The following KCND2 variants were observed in gnomAD, a reference collection of about 807,000 sequenced individuals.
KCND2 encodes A-type voltage-gated potassium channel KCND2.
KCND2 carries 16 observed loss-of-function variants against 54.4 expected under a neutral mutation model. That is an observed-to-expected ratio of 0.29 (90% confidence interval 0.20 to 0.45). KCND2 has a LOEUF of 0.45. Ranked by LOEUF, KCND2 falls within the 20% of genes least tolerant of loss-of-function variation. The pLI is 1.00. For synonymous variants in KCND2, 317 were observed against 310.7 expected (o/e 1.02, Z -0.21); for missense variants, 486 against 824.2 (o/e 0.59, Z 5.02).
chr7:120,523,834 CAT>C (rs1264832015), intron 1 of KCND2, among the ~76,000 whole-genome samples: 1 of 149,016 alleles, frequency 6.7e-6, no homozygotes, highest in Non-Finnish European at 1.5e-5. Flanking sequence ...TATTCAGCAA[CAT>C]ATATATGGAG....
chr7:120,723,443 C>G lies in KCND2; in HGVS notation c.1116-9460C>G, dbSNP rs117609420. Among the ~76,000 whole-genome samples, 7 of 152,280 alleles carry G rather than the reference C, an allele frequency of 4.6e-5. No homozygotes were observed. The East Asian group carries it at 1.3e-3, about 29-fold the overall frequency. ...AAGAGAAGAATAGATGGTTATTGAA[C>G]AACTCAGCTACTTCACAGGATGATG... On this transcript the variant is annotated intron_variant, in intron 1 of 5. Coordinates refer to ENST00000331113, the MANE Select transcript of KCND2 (RefSeq NM_012281.3).
At chr7:120,590,477 T>A (rs1189576827) in intron 1 of KCND2, among the ~76,000 whole-genome samples, 1 of 152,216 alleles carries the variant, frequency 6.6e-6, no homozygotes, top group Non-Finnish European at 1.5e-5. Flanking sequence ...AAATTGAAAC[T>A]ATCCATTCAT....
chr7:120,360,278 T>G (rs1299154505), intron 1 of KCND2, among the ~76,000 whole-genome samples: 3 of 152,124 alleles, frequency 2.0e-5, no homozygotes, highest in African/African-American at 7.2e-5. Flanking sequence ...GGTACATGTC[T>G]TGATATCAAG....
intron 1 of KCND2, among the ~76,000 whole-genome samples, chr7:120,521,794 A>G (rs1183351270): frequency 1.3e-5 from 2 of 152,214 alleles, no homozygotes; most frequent in Admixed American, 6.5e-5. Flanking sequence ...ATACACATGT[A>G]TAAACACACG....
chr7:120,436,964 C>T (rs1373541289), intron 1 of KCND2, among the ~76,000 whole-genome samples: 1 of 152,116 alleles, frequency 6.6e-6, no homozygotes, highest in Non-Finnish European at 1.5e-5. Flanking sequence ...CAGTAAAGCA[C>T]TCTCTTTCTC....
rs34803439 is a variant in KCND2 at position 120,701,240 on chromosome 7, T to TAAAAAAAAAAA, written c.1116-31637_1116-31627dup. Among the ~76,000 whole-genome samples the TAAAAAAAAAAA allele has an allele frequency of 8.3e-4, 46 of 55,140 alleles. 2 individuals are homozygous for TAAAAAAAAAAA. The highest frequency in any genetic ancestry group is 1.7e-3 in the African/African-American group (31 of 17,824). 36.2% of individuals were successfully genotyped at this position (55,140 alleles called of 152,430 possible). A position where few individuals can be genotyped will look rare whatever the true frequency, so the allele number is the denominator to read the frequency against. On this transcript the variant is annotated intron_variant, in intron 1 of 5. Transcript: ENST00000331113. ...TAGTTGAATGGCTGTAATGCCTAGCTAAAAAAAAAAAAAAAAAAAAAAAAA... is the reference window on the plus strand; with the variant it reads ...TAGTTGAATGGCTGTAATGCCTAGCTAAAAAAAAAAAAAAAAAAAAAAAAAAAAAAAAAAAA...
chr7:120,313,241 C>T (rs2116317592), intron 1 of KCND2, among the ~76,000 whole-genome samples: 1 of 152,178 alleles, frequency 6.6e-6, no homozygotes, highest in Non-Finnish European at 1.5e-5. Context: ...ATTTAGGTTG[C>T]TAATACTGAC....
chr7:120,328,069 A>T (rs529889490), intron 1 of KCND2, among the ~76,000 whole-genome samples: 47 of 152,156 alleles, frequency 3.1e-4, no homozygotes, highest in Non-Finnish European at 5.4e-4. Flanking sequence ...ACTTCCTGTC[A>T]TTATTCTGCC....
intron 1 of KCND2, among the ~76,000 whole-genome samples, chr7:120,622,354 G>C (rs1793109486): frequency 1.3e-5 from 2 of 152,080 alleles, no homozygotes; most frequent in Non-Finnish European, 2.9e-5. Context: ...TTTTACGAGA[G>C]GGAGCCTACT....
At chr7:120,714,758 G>C (rs1002145667) in intron 1 of KCND2, among the ~76,000 whole-genome samples, 3 of 151,768 alleles carry the variant, frequency 2.0e-5, no homozygotes, top group Non-Finnish European at 4.4e-5. Flanking sequence ...CCTAATTAGA[G>C]AACAGAACAC....
At chr7:120,426,984 T>C (rs1317629375) in intron 1 of KCND2, among the ~76,000 whole-genome samples, 1 of 152,166 alleles carries the variant, frequency 6.6e-6, no homozygotes, top group Non-Finnish European at 1.5e-5. Flanking sequence ...AGGGGGAAAT[T>C]CTCTAAAGGA....
intron 1 of KCND2, among the ~76,000 whole-genome samples, chr7:120,479,037 A>G (rs1420372097): frequency 6.6e-6 from 1 of 152,172 alleles, no homozygotes; most frequent in East Asian, 1.9e-4. Flanking sequence ...CCTTTGCTGT[A>G]GGGAACAATT....
At chr7:120,357,379 T>C (rs915457401) in intron 1 of KCND2, among the ~76,000 whole-genome samples, 1 of 152,174 alleles carries the variant, frequency 6.6e-6, no homozygotes, top group Non-Finnish European at 1.5e-5. Flanking sequence ...TCCTGTTTTA[T>C]ACTGGTATTT....
chr7:120,298,319 C>T (rs1236145459), intron 1 of KCND2, among the ~76,000 whole-genome samples: 1 of 152,120 alleles, frequency 6.6e-6, no homozygotes, highest in Non-Finnish European at 1.5e-5. Context: ...GCTGGAACAT[C>T]CCAGTTATGT....
intron 1 of KCND2, among the ~76,000 whole-genome samples, chr7:120,361,881 G>A (rs1219824853): frequency 1.3e-5 from 2 of 152,032 alleles, no homozygotes; most frequent in East Asian, 1.9e-4. Flanking sequence ...GGCTATTTCT[G>A]TACTGTCAGA....
At chr7:120,403,208 CTG>C (rs1320231802) in intron 1 of KCND2, among the ~76,000 whole-genome samples, 1 of 152,084 alleles carries the variant, frequency 6.6e-6, no homozygotes, top group Non-Finnish European at 1.5e-5. Context: ...GAATTTGTGA[CTG>C]AGAGAAGAGG....
At chr7:120,355,931 G>A (rs1382845579) in intron 1 of KCND2, among the ~76,000 whole-genome samples, 2 of 152,132 alleles carry the variant, frequency 1.3e-5, no homozygotes, top group African/African-American at 4.8e-5. Context: ...TATCTCCTGA[G>A]TAAATTTACA....
In KCND2 at chr7:120,278,141, A is replaced by G. The variant is rs145526617; in HGVS notation, c.1115+2394A>G. Among the ~76,000 whole-genome samples, 230 of 152,142 alleles carry G rather than the reference A, an allele frequency of 1.5e-3. 2 individuals are homozygous for G. The highest frequency in any genetic ancestry group is 4.9e-3 in the African/African-American group (203 of 41,574). On this transcript the variant is annotated intron_variant, in intron 1 of 5. Coordinates refer to ENST00000331113, the MANE Select transcript of KCND2 (RefSeq NM_012281.3). ...ATGCTTTATAATATAACAGAATTTC[A>G]TAGAAAAATGTCTTTAATTTCTCAT... is the stretch of plus-strand genomic sequence containing the variant.
chr7:120,524,375 T>C (rs1791745192), intron 1 of KCND2, among the ~76,000 whole-genome samples: 1 of 152,176 alleles, frequency 6.6e-6, no homozygotes, highest in African/African-American at 2.4e-5. Flanking sequence ...AAATAAATTG[T>C]ATAACTATTA....
Sources: allele counts gnomAD v4.1 joint callset (sites outside exome capture counted in the v4.1 genomes callset), GRCh38; gene constraint gnomAD v4.1.1; transcripts MANE v1.5; gene names NCBI Gene and HGNC (gene_info 2026-07-23, HGNC 2026-07-21).